The following LDLRAD4 variants were observed in gnomAD, a reference collection of about 807,000 sequenced individuals.
LDLRAD4 encodes low density lipoprotein receptor class A domain containing 4, also known as low-density lipoprotein receptor class A domain-containing protein 4.
In LDLRAD4, 5 loss-of-function variants were observed where a neutral mutation model predicts 17.0. The ratio of observed to expected loss-of-function variants is 0.29; its 90% CI spans 0.15 to 0.62. LDLRAD4 has a LOEUF of 0.62. Ranked by LOEUF, LDLRAD4 falls within the 20% of genes least tolerant of loss-of-function variation. LDLRAD4 has a pLI of 0.84. For synonymous variants in LDLRAD4, 168 were observed against 171.8 expected (o/e 0.98, Z 0.17); for missense variants, 340 against 424.7 (o/e 0.80, Z 1.75).
At chr18:13,258,540 A>T (rs1172299371) in intron 1 of LDLRAD4, among the ~76,000 whole-genome samples, 1 of 152,170 alleles carries the variant, frequency 6.6e-6, no homozygotes, top group African/African-American at 2.4e-5. Flanking sequence ...CTTTGAGCAA[A>T]TGTTTAGAGA....
chr18:13,624,994 A>C (rs1017150013), intron 4 of LDLRAD4, among the ~76,000 whole-genome samples: 42 of 152,156 alleles, frequency 2.8e-4, no homozygotes, highest in Non-Finnish European at 3.5e-4. Flanking sequence ...CCAATGTCCG[A>C]GGCCTTTCTC....
rs544473529 is a variant in LDLRAD4 at position 13,560,093 on chromosome 18, C to G, written c.182-61024C>G. ...AATTGGTAGCAGAAAAAGTGGAACT[C>G]TAGTTCCTGTCATGCTTTTATTTTT... On this transcript the variant is annotated intron_variant, in intron 3 of 5. Transcript: ENST00000359446. Among the ~76,000 whole-genome samples the G allele has an allele frequency of 5.9e-5, 9 of 152,312 alleles. No individual in the cohort carries two copies. The South Asian group carries it at 1.9e-3, about 32-fold the overall frequency.
chr18:13,612,555 C>T (rs554764312), intron 3 of LDLRAD4: 16 of 1,447,838 alleles, frequency 1.1e-5, no homozygotes, highest in Admixed American at 7.6e-5. Flanking sequence ...ACCCCCCCCC[C>T]CTCCACGCTC....
At chr18:13,460,247 C>T (rs2092365860) in intron 3 of LDLRAD4, among the ~76,000 whole-genome samples, 1 of 152,142 alleles carries the variant, frequency 6.6e-6, no homozygotes, top group Admixed American at 6.5e-5. Context: ...GGCTTGAGTG[C>T]AGTGGCGCTA....
intron 1 of LDLRAD4, among the ~76,000 whole-genome samples, chr18:13,319,865 G>A (rs1456653911): frequency 6.6e-6 from 1 of 152,146 alleles, no homozygotes; most frequent in African/African-American, 2.4e-5. Flanking sequence ...TGAGACTTAC[G>A]ATTTAAAGCT....
At chr18:13,452,415 A>G (rs1345983762) in intron 3 of LDLRAD4, among the ~76,000 whole-genome samples, 4 of 152,134 alleles carry the variant, frequency 2.6e-5, no homozygotes, top group Non-Finnish European at 5.9e-5. Flanking sequence ...GGGATAGCTC[A>G]GCAAAGGTGG....
chr18:13,378,647 T>TTAAAGGCAAG (rs2085111272), intron 1 of LDLRAD4, among the ~76,000 whole-genome samples: 1 of 152,226 alleles, frequency 6.6e-6, no homozygotes, highest in Non-Finnish European at 1.5e-5. Context: ...GCCTCTATCT[T>TTAAAGGCAAG]TTTCCTTTTA....
intron 1 of LDLRAD4, among the ~76,000 whole-genome samples, chr18:13,351,292 C>T (rs990429177): frequency 6.6e-6 from 1 of 151,854 alleles, no homozygotes; most frequent in African/African-American, 2.4e-5. Flanking sequence ...TGTTTGTGTC[C>T]TCTTATTTCC....
At chr18:13,643,294 G>A (rs1934787232) in intron 4 of LDLRAD4, 65 bp from the exon 6 acceptor site, 4 of 1,039,824 alleles carry the variant, frequency 3.8e-6, no homozygotes, top group Non-Finnish European at 5.6e-6. Flanking sequence ...TTTTAGGTGC[G>A]GCGGGGCTAA....
At chr18:13,397,199 A>G (rs906141246) in intron 2 of LDLRAD4, among the ~76,000 whole-genome samples, 115 of 152,210 alleles carry the variant, frequency 7.6e-4, no homozygotes, top group East Asian at 1.4e-3. Flanking sequence ...GCTGGAGAGC[A>G]GTGGTGAGAT....
chr18:13,637,815 A>G (rs56069432), intron 4 of LDLRAD4, among the ~76,000 whole-genome samples: 22,890 of 150,076 alleles, frequency 0.15, 2,400 homozygotes, highest in East Asian at 0.51. Context: ...GCAGTGAGCC[A>G]AGATCATGCC....
At position 13,645,531 on chromosome 18, in the gene LDLRAD4, C is replaced by T. The variant is rs2149013519; in HGVS notation, c.795C>T (p.Ala265=). The change falls in exon 6 of 6, where the codon GCC becomes GCT. Residue 265 remains alanine (A), a synonymous_variant. Coordinates refer to ENST00000359446, the Ensembl canonical transcript of LDLRAD4. The surrounding 1 kb of genome is among the most constrained non-coding windows in gnomAD (Gnocchi z 5.7). ...AGGTGATGGGCCACCACCCAGGCGC[C>T]TCTTTCCTCCATCACCAGCGCAGCA... The T allele has an allele frequency of 1.2e-6, 2 of 1,610,918 alleles. No individual in the cohort carries two copies. The highest frequency in any genetic ancestry group is 1.7e-6 in the Non-Finnish European group (2 of 1,178,674).
At chr18:13,568,505 C>T (rs530368372) in intron 3 of LDLRAD4, among the ~76,000 whole-genome samples, 1 of 152,272 alleles carries the variant, frequency 6.6e-6, no homozygotes, top group African/African-American at 2.4e-5. Flanking sequence ...GGAAGAAGAA[C>T]TGAAGTCCAA....
chr18:13,637,601 C>T (rs1322474911), intron 4 of LDLRAD4, among the ~76,000 whole-genome samples: 1 of 152,116 alleles, frequency 6.6e-6, no homozygotes, highest in East Asian at 1.9e-4. Flanking sequence ...CGTGGTGGCT[C>T]AGGCCTGTAA....
intron 3 of LDLRAD4, among the ~76,000 whole-genome samples, chr18:13,533,792 G>C (rs1365649239): frequency 2.0e-5 from 3 of 152,140 alleles, no homozygotes; most frequent in Non-Finnish European, 4.4e-5. Context: ...TCTGCTCTGG[G>C]AATTAAAGGG....
intron 3 of LDLRAD4, among the ~76,000 whole-genome samples, chr18:13,482,861 G>A (rs751599789): frequency 6.6e-6 from 1 of 152,150 alleles, no homozygotes; most frequent in African/African-American, 2.4e-5. Flanking sequence ...GTCTGTCCTG[G>A]GCATGGAGAC....
intron 1 of LDLRAD4, among the ~76,000 whole-genome samples, chr18:13,330,425 A>C (rs538850337): frequency 6.6e-6 from 1 of 152,196 alleles, no homozygotes; most frequent in South Asian, 2.1e-4. Context: ...TTCCTGTCCT[A>C]ATCCTCGTGT....
At chr18:13,409,069 CT>C (rs969910878) in intron 2 of LDLRAD4, among the ~76,000 whole-genome samples, 3 of 152,220 alleles carry the variant, frequency 2.0e-5, no homozygotes, top group Non-Finnish European at 4.4e-5. Context: ...CAGCCCACCC[CT>C]GACCCCCAAA....
Position 13,621,232 on chromosome 18 carries a change from C to T in LDLRAD4, c.297C>T (p.Arg99=). 6.2e-7 allele frequency: 1 copy of T among 1,613,892 alleles called. No homozygotes were observed. The highest frequency in any genetic ancestry group is 8.5e-7 in the Non-Finnish European group (1 of 1,180,028). Residue 99 remains arginine (R), a synonymous_variant, in exon 4 of 6, where the codon CGC becomes CGT. Transcript: ENST00000359446. This position sits in a 1 kb window ranked among gnomAD's most constrained non-coding sequence, Gnocchi z 5.5. ...TCTCCACGCGGTCCTTCATCAACCG[C>T]CCGAACCAGAGCCGGAGGCGGGAGG...
Sources: allele counts gnomAD v4.1 joint callset (sites outside exome capture counted in the v4.1 genomes callset), GRCh38; gene constraint gnomAD v4.1.1; non-coding constraint Gnocchi (gnomAD v3.1); transcripts MANE v1.5; gene names NCBI Gene and HGNC (gene_info 2026-07-23, HGNC 2026-07-21).